PRKG1: variants seen among roughly 807,000 people sequenced by gnomAD.
PRKG1 encodes the protein protein kinase cGMP-dependent 1.
A neutral mutation model predicts 88.1 loss-of-function variants in PRKG1; 35 were observed. The ratio of observed to expected loss-of-function variants is 0.40; its 90% CI spans 0.30 to 0.53. The LOEUF is 0.53. Among genes scored for constraint, PRKG1 ranks in the 20% least tolerant of loss-of-function variants. The probability of loss-of-function intolerance (pLI) is 0.59; values close to 1 mark genes in which losing one functional copy is unlikely to be tolerated. For synonymous variants in PRKG1, 303 were observed against 292.5 expected, an observed-to-expected ratio of 1.04 and a Z score of -0.37; for missense variants, 540 against 839.8, an observed-to-expected ratio of 0.64 and a Z score of 4.41.
intron 7 of PRKG1, among the ~76,000 whole-genome samples, chr10:52,080,177 C>T (rs1200397940): frequency 6.6e-6 from 1 of 152,184 alleles, no homozygotes; most frequent in African/African-American, 2.4e-5. Flanking sequence ...TGACACTGTT[C>T]TGCCTCTGCG....
chr10:51,272,884 C>T (rs759298729), intron 2 of PRKG1, among the ~76,000 whole-genome samples: 20 of 152,010 alleles, frequency 1.3e-4, no homozygotes, highest in Non-Finnish European at 2.9e-5. Context: ...TGCTCTGAGC[C>T]CAACTGCAAT....
At chr10:51,404,764 T>G (rs1404046821) in intron 2 of PRKG1, among the ~76,000 whole-genome samples, 3 of 152,226 alleles carry the variant, frequency 2.0e-5, no homozygotes, top group Admixed American at 1.3e-4. Context: ...GATGAGGGAC[T>G]TATTAATGTC....
chr10:51,535,048 T>A (rs1842112928), intron 3 of PRKG1, among the ~76,000 whole-genome samples: 1 of 152,132 alleles, frequency 6.6e-6, no homozygotes, highest in South Asian at 2.1e-4. Context: ...AAATAGAAGT[T>A]TTTTGGGAAA....
intron 4 of PRKG1, among the ~76,000 whole-genome samples, chr10:51,834,902 A>T (rs1299159744): frequency 1.3e-5 from 2 of 152,124 alleles, no homozygotes; most frequent in African/African-American, 2.4e-5. Context: ...CTCCAGAAAC[A>T]TCAGAAATTA....
chr10:52,043,974 T>C (rs1845809034), intron 5 of PRKG1, among the ~76,000 whole-genome samples: 1 of 151,644 alleles, frequency 6.6e-6, no homozygotes, highest in Admixed American at 6.6e-5. Context: ...TCCCTTTCTT[T>C]GTCTGATATT....
chr10:52,016,454 CAT>C (rs1260439410), intron 5 of PRKG1, among the ~76,000 whole-genome samples: 2 of 152,186 alleles, frequency 1.3e-5, no homozygotes, highest in East Asian at 1.9e-4. Flanking sequence ...ACTCCCATGA[CAT>C]GTGGGGATTA....
At chr10:51,386,064 A>T (rs190326054) in intron 2 of PRKG1, among the ~76,000 whole-genome samples, 53 of 152,318 alleles carry the variant, frequency 3.5e-4, no homozygotes, top group African/African-American at 1.3e-3. Context: ...AAAAAGCAGT[A>T]TAGATGCCTT....
chr10:50,993,792 A>G (rs1375437268), intron 1 of PRKG1, among the ~76,000 whole-genome samples: 2 of 152,256 alleles, frequency 1.3e-5, no homozygotes, highest in Non-Finnish European at 2.9e-5. Flanking sequence ...TCAAAGAGGC[A>G]AGAAATCTCT....
chr10:51,800,293 T>C (rs1839132854), intron 3 of PRKG1, among the ~76,000 whole-genome samples: 1 of 152,100 alleles, frequency 6.6e-6, no homozygotes, highest in Non-Finnish European at 1.5e-5. Flanking sequence ...GTTCGGACTA[T>C]TGTAACAAAT....
chr10:50,999,870 C>T (rs1344866156), intron 1 of PRKG1, among the ~76,000 whole-genome samples: 2 of 152,158 alleles, frequency 1.3e-5, no homozygotes, highest in Admixed American at 6.5e-5. Context: ...TGGGTAGAAA[C>T]CAGGTCTGTT....
At chr10:51,189,710 T>C (rs1837583392) in intron 2 of PRKG1, among the ~76,000 whole-genome samples, 1 of 151,954 alleles carries the variant, frequency 6.6e-6, no homozygotes, top group Non-Finnish European at 1.5e-5. Context: ...GTTACTAATA[T>C]ATCTGGAATT....
intron 2 of PRKG1, among the ~76,000 whole-genome samples, chr10:51,325,738 T>C (rs532223436): frequency 6.6e-6 from 1 of 152,182 alleles, no homozygotes; most frequent in Admixed American, 6.5e-5. Context: ...AGTAGTTTTA[T>C]AGTTTCTTTC....
chr10:51,093,749 ATG>A (rs1189767609), intron 1 of PRKG1, among the ~76,000 whole-genome samples: 2 of 145,442 alleles, frequency 1.4e-5, no homozygotes, highest in African/African-American at 5.0e-5. Flanking sequence ...ATATATTTAT[ATG>A]TATATATACA....
At chr10:52,172,831 T>C (rs1838744756) in intron 9 of PRKG1, among the ~76,000 whole-genome samples, 1 of 152,174 alleles carries the variant, frequency 6.6e-6, no homozygotes, top group South Asian at 2.1e-4. Context: ...TGAGTAGTAG[T>C]AGTAACTGGG....
intron 3 of PRKG1, among the ~76,000 whole-genome samples, chr10:51,499,935 G>C (rs975397034): frequency 2.0e-5 from 3 of 152,124 alleles, no homozygotes; most frequent in Non-Finnish European, 4.4e-5. Context: ...TTCCAGCCCA[G>C]GTGACAGAGT....
At chr10:51,281,825 G>A (rs770962089) in intron 2 of PRKG1, among the ~76,000 whole-genome samples, 35 of 152,126 alleles carry the variant, frequency 2.3e-4, no homozygotes, top group Admixed American at 3.9e-4. Flanking sequence ...CTAAACTTGG[G>A]CTTTCTCCTG....
intron 9 of PRKG1, among the ~76,000 whole-genome samples, chr10:52,206,050 C>T (rs1328777731): frequency 6.6e-6 from 1 of 152,178 alleles, no homozygotes; most frequent in East Asian, 1.9e-4. Context: ...TTCAGGGATT[C>T]CAATGAGTCA....
chr10:51,868,967 C>A (rs1435414720), intron 4 of PRKG1, among the ~76,000 whole-genome samples: 1 of 152,130 alleles, frequency 6.6e-6, no homozygotes, highest in African/African-American at 2.4e-5. Flanking sequence ...GTGCTTAGGG[C>A]ATTTTCCCAG....
chr10:52,293,449 GC>G lies in PRKG1; in HGVS notation c.1963-351del, dbSNP rs569695179. Among the ~76,000 whole-genome samples, 18 of 152,138 alleles carry G rather than the reference GC, an allele frequency of 1.2e-4. No individual in the cohort carries two copies. In the East Asian group the frequency reaches 3.5e-3, roughly 29 times the overall value. On this transcript the variant is annotated intron_variant, in intron 17 of 17. Coordinates refer to ENST00000373980, the MANE Select transcript of PRKG1 (RefSeq NM_006258.4). ...ATGGAACCAAAAAAGAGCCTGCATCGCCAAGTCAATCCTGAGCCAAAGAACA... is the reference window on the plus strand; with the variant it reads ...ATGGAACCAAAAAAGAGCCTGCATCGCAAGTCAATCCTGAGCCAAAGAACA...
Sources: allele counts gnomAD v4.1 joint callset (sites outside exome capture counted in the v4.1 genomes callset), GRCh38; gene constraint gnomAD v4.1.1; transcripts MANE v1.5; gene names NCBI Gene and HGNC (gene_info 2026-07-23, HGNC 2026-07-21).